The following SPECC1 variants were observed in gnomAD, a reference collection of about 807,000 sequenced individuals.
The protein encoded by SPECC1 is sperm antigen with calponin homology and coiled-coil domains 1.
A neutral mutation model predicts 104.1 loss-of-function variants in SPECC1; 62 were observed. The observed-to-expected ratio is 0.60, with a 90% CI of 0.49 to 0.74. The LOEUF is 0.74. SPECC1 is among the 30% of genes least tolerant of loss of function. SPECC1 has a pLI of 0.00. For synonymous variants in SPECC1, 513 were observed against 501.6 expected, an observed-to-expected ratio of 1.02 and a Z score of -0.30; for missense variants, 1,306 against 1,310.5, an observed-to-expected ratio of 1.00 and a Z score of 0.05.
At chr17:20,113,287 A>G (rs1423174812) in intron 3 of SPECC1, among the ~76,000 whole-genome samples, 1 of 152,130 alleles carries the variant, frequency 6.6e-6, no homozygotes, top group Non-Finnish European at 1.5e-5. Flanking sequence ...TATCTATTAC[A>G]TTTGCTTTTA....
intron 1 of SPECC1, among the ~76,000 whole-genome samples, chr17:20,055,069 G>A (rs754590375): frequency 2.6e-5 from 4 of 152,106 alleles, no homozygotes; most frequent in East Asian, 1.9e-4. Context: ...CGTTATGTTC[G>A]TTGATTAGTA....
intron 1 of SPECC1, among the ~76,000 whole-genome samples, chr17:20,071,076 G>A (rs533538483): frequency 3.1e-4 from 47 of 151,868 alleles, no homozygotes; most frequent in Non-Finnish European, 5.0e-4. Flanking sequence ...GCTGGAGTTC[G>A]GTGGCTATTT....
At chr17:20,304,478 C>T (rs1178664529) in intron 13 of SPECC1, among the ~76,000 whole-genome samples, 1 of 151,966 alleles carries the variant, frequency 6.6e-6, no homozygotes, top group Non-Finnish European at 1.5e-5. Flanking sequence ...AGAGAATAGC[C>T]AGGAAGAGTC....
chr17:20,289,725 C>G (rs749472554), intron 12 of SPECC1, among the ~76,000 whole-genome samples: 21 of 152,146 alleles, frequency 1.4e-4, no homozygotes, highest in Admixed American at 9.2e-4. Flanking sequence ...TGCTGGTGCT[C>G]CTGATGCTCA....
intron 4 of SPECC1, among the ~76,000 whole-genome samples, chr17:20,206,191 C>T (rs763289728): frequency 6.6e-6 from 1 of 152,120 alleles, no homozygotes; most frequent in Non-Finnish European, 1.5e-5. Context: ...ACAGCCTATG[C>T]CCAGGCTCTA....
At chr17:20,299,452 C>T (rs1007846153) in intron 13 of SPECC1, among the ~76,000 whole-genome samples, 8 of 148,672 alleles carry the variant, frequency 5.4e-5, no homozygotes, top group African/African-American at 2.0e-4. Context: ...CCCAGCTACT[C>T]AGGAGGCTGA....
intron 1 of SPECC1, among the ~76,000 whole-genome samples, chr17:20,070,927 A>G (rs949830469): frequency 1.4e-4 from 22 of 151,856 alleles, no homozygotes; most frequent in African/African-American, 5.3e-4. Flanking sequence ...CTCCTACCTT[A>G]TTCAGGATAA....
At chr17:20,268,877 C>G (rs939992078) in intron 12 of SPECC1, among the ~76,000 whole-genome samples, 7 of 152,302 alleles carry the variant, frequency 4.6e-5, no homozygotes, top group East Asian at 1.9e-4. Context: ...CACTCCCACT[C>G]TCAGTGGTGT....
In SPECC1 at chr17:20,262,714, G is replaced by T. The variant is rs182679467; in HGVS notation, c.2940+2420G>T. 6.6e-5 allele frequency among the ~76,000 whole-genome samples: 10 copies of T among 152,264 alleles called. No individual in the cohort carries two copies. The South Asian group carries it at 1.0e-3, about 16-fold the overall frequency. On this transcript the variant is annotated intron_variant, in intron 12 of 14. Coordinates refer to ENST00000395527, the MANE Select transcript of SPECC1 (RefSeq NM_001243439.2). Reference sequence around the variant, plus strand: ...GAGGTGGGGATGGAAAATGAAAGAAGCTAGCAAGAAAAACCCAGCCTCAGC... The same window carrying T: ...GAGGTGGGGATGGAAAATGAAAGAATCTAGCAAGAAAAACCCAGCCTCAGC...
At chr17:20,274,129 G>A (rs2040498168) in intron 12 of SPECC1, among the ~76,000 whole-genome samples, 1 of 152,186 alleles carries the variant, frequency 6.6e-6, no homozygotes, top group South Asian at 2.1e-4. Context: ...GTGTTTGTTA[G>A]GTCAAGTTTT....
At chr17:20,069,807 T>C (rs1183473575) in intron 1 of SPECC1, among the ~76,000 whole-genome samples, 1 of 152,044 alleles carries the variant, frequency 6.6e-6, no homozygotes, top group Non-Finnish European at 1.5e-5. Flanking sequence ...TACATATTGA[T>C]AAATATTTTA....
At position 20,204,993 on chromosome 17, in the gene SPECC1, C is replaced by T; in HGVS notation, c.944C>T (p.Ser315Leu). ...AATGCATTACGGACATCAGGCTCCT[C>T]AAGTAGCGATGTTACCAAAGCTTCT... The part of the protein sequence containing the change: ...HGNALRTSGS[S>L]SSDVTKASLS... Residue 315 changes from serine (S) to leucine (L), a missense_variant, in exon 4 of 15, where the codon TCA (serine) becomes TTA (leucine). Around this residue, in one of 2 missense-constraint regions of SPECC1, gnomAD observed 1,177 missense variants for 1,139.9 expected, o/e 1.03. Coordinates refer to ENST00000395527, the MANE Select transcript of SPECC1 (RefSeq NM_001243439.2). The T allele has an allele frequency of 1.9e-6, 3 of 1,614,148 alleles. No homozygotes were observed. The highest frequency in any genetic ancestry group is 2.5e-6 in the Non-Finnish European group (3 of 1,180,024).
At position 20,098,862 on chromosome 17, in the gene SPECC1, A is replaced by C. The variant is rs114716949; in HGVS notation, c.147+2064A>C. On this transcript the variant is annotated intron_variant, in intron 2 of 14. Transcript: ENST00000395527. The stretch of plus-strand genomic sequence containing the variant: ...TAAGCCCCCTGCAGACAGGGACTGT[A>C]TGCTTCTTTTTTGTACTCGGCTCTG... Among the ~76,000 whole-genome samples the C allele has an allele frequency of 6.6e-3, 1,007 of 152,220 alleles. 10 individuals are homozygous for C. The highest frequency in any genetic ancestry group is 0.023 in the African/African-American group (944 of 41,538).
intron 1 of SPECC1, among the ~76,000 whole-genome samples, chr17:20,089,167 T>C (rs962603695): frequency 2.0e-5 from 3 of 152,224 alleles, no homozygotes; most frequent in African/African-American, 4.8e-5. Flanking sequence ...GAGGGTCCCG[T>C]TGGGGGAGTT....
At chr17:20,265,670 G>A (rs2040192719) in intron 12 of SPECC1, among the ~76,000 whole-genome samples, 12 of 152,098 alleles carry the variant, frequency 7.9e-5, no homozygotes, top group Admixed American at 7.9e-4. Context: ...CTTTGCTAAG[G>A]CCAATGTTGA....
intron 4 of SPECC1, among the ~76,000 whole-genome samples, chr17:20,206,494 GA>G (rs1216664464): frequency 6.6e-6 from 1 of 151,936 alleles, no homozygotes; most frequent in African/African-American, 2.4e-5. Context: ...TTTTGCATTT[GA>G]CATTTTAGAA....
intron 3 of SPECC1, among the ~76,000 whole-genome samples, chr17:20,173,686 A>G (rs2034257759): frequency 6.6e-6 from 1 of 152,262 alleles, no homozygotes; most frequent in African/African-American, 2.4e-5. Flanking sequence ...GCATAAAGGT[A>G]CATGAACAAA....
intron 1 of SPECC1, among the ~76,000 whole-genome samples, chr17:20,074,620 C>G (rs570204159): frequency 5.3e-5 from 8 of 152,228 alleles, no homozygotes; most frequent in African/African-American, 1.7e-4. Context: ...TAAGGTGCTG[C>G]TCTAGCTGCA....
chr17:20,301,080 ACTT>A, intron 13 of SPECC1, among the ~76,000 whole-genome samples: 1 of 151,996 alleles, frequency 6.6e-6, no homozygotes, highest in African/African-American at 2.4e-5. Flanking sequence ...ACATTTCGCC[ACTT>A]CTTGGTGTGT....
Sources: gnomAD v4.1 joint callset for allele counts (sites outside exome capture counted in the v4.1 genomes callset) on GRCh38, gnomAD v4.1.1 for gene constraint, gnomAD v4.1.1 regional missense constraint, MANE v1.5 for transcripts, NCBI Gene and HGNC (gene_info 2026-07-23, HGNC 2026-07-21) for gene names.